Variants in RNF220 observed in about 807,000 individuals in gnomAD.
RNF220 encodes the protein ring finger protein 220.
RNF220 carries 7 observed loss-of-function variants against 67.1 expected under a neutral mutation model. That is an observed-to-expected ratio of 0.10 (90% CI 0.06 to 0.20). The LOEUF (loss-of-function observed/expected upper bound fraction) is 0.20. Ranked by LOEUF, RNF220 falls within the 10% of genes least tolerant of loss-of-function variation. The pLI, the probability that RNF220 is intolerant of heterozygous loss-of-function variation, is 1.00. For synonymous variants in RNF220, 270 were observed against 283.2 expected (o/e 0.95, Z 0.47); for missense variants, 565 against 740.3 (o/e 0.76, Z 2.75).
chr1:44,592,434 C>T (rs1344413163), intron 2 of RNF220, among the ~76,000 whole-genome samples: 2 of 152,216 alleles, frequency 1.3e-5, no homozygotes, highest in Non-Finnish European at 2.9e-5. Flanking sequence ...CAGCTGCCTT[C>T]CTCATGACAC....
chr1:44,544,113 G>C (rs1346264767), intron 2 of RNF220, among the ~76,000 whole-genome samples: 1 of 152,196 alleles, frequency 6.6e-6, no homozygotes, highest in Non-Finnish European at 1.5e-5. Flanking sequence ...GCAAGAGGTC[G>C]GGAGGACCAC....
At chr1:44,490,907 T>C (rs921760829) in intron 2 of RNF220, among the ~76,000 whole-genome samples, 1 of 152,086 alleles carries the variant, frequency 6.6e-6, no homozygotes, top group Admixed American at 6.5e-5. Flanking sequence ...GAGACATCAC[T>C]ACCAGACTTA....
chr1:44,520,765 T>C lies in RNF220; in HGVS notation c.626-93400T>C, dbSNP rs148146162. Among the ~76,000 whole-genome samples the C allele has an allele frequency of 6.0e-3, 912 of 152,370 alleles. 12 individuals are homozygous for C. Among genetic ancestry groups the C allele is most frequent in the African/African-American group, 0.021 (869 of 41,582 alleles). On this transcript the variant is annotated intron_variant, in intron 2 of 14. Coordinates refer to ENST00000361799, the MANE Select transcript of RNF220 (RefSeq NM_018150.4). ...TTTCCTAAACTAGATTATATACTCCTTGAAGGCTAAGACTGTACAAGTTTC... is the reference window on the plus strand; with the variant it reads ...TTTCCTAAACTAGATTATATACTCCCTGAAGGCTAAGACTGTACAAGTTTC...
In RNF220 at chr1:44,626,626, C is replaced by T. The variant is rs926034936; in HGVS notation, c.906+228C>T. ...GGGAGAGATGCCAAGGTCACATGGG[C>T]TCCATGGGCTCTGAGCACCTCTGAA... On this transcript the variant is annotated intron_variant, in intron 5 of 14. Coordinates refer to ENST00000361799, the MANE Select transcript of RNF220 (RefSeq NM_018150.4). 12 of 565,872 alleles carry T rather than the reference C, an allele frequency of 2.1e-5. No homozygotes were observed. In the African/African-American group the frequency reaches 2.3e-4, roughly 11 times the overall value. 35.1% of individuals were successfully genotyped at this position (565,872 alleles called of 1,614,324 possible). A position where few individuals can be genotyped will look rare whatever the true frequency, so the allele number is the denominator to read the frequency against.
At chr1:44,611,977 G>A (rs1177968801) in intron 2 of RNF220, among the ~76,000 whole-genome samples, 1 of 152,196 alleles carries the variant, frequency 6.6e-6, no homozygotes, top group Non-Finnish European at 1.5e-5. Flanking sequence ...AGATTCTCTG[G>A]CTAACTGAAG....
intron 2 of RNF220, among the ~76,000 whole-genome samples, chr1:44,535,741 C>T (rs1365972838): frequency 2.0e-5 from 3 of 152,174 alleles, no homozygotes; most frequent in African/African-American, 7.2e-5. Context: ...ACTACTGAAG[C>T]TGATGTCTAC....
intron 2 of RNF220, among the ~76,000 whole-genome samples, chr1:44,422,572 A>T (rs1187940532): frequency 2.0e-5 from 3 of 152,124 alleles, no homozygotes; most frequent in African/African-American, 7.2e-5. Context: ...TTTCTTCTTT[A>T]TTTAAAGTGA....
chr1:44,534,463 A>G (rs1226329250), intron 2 of RNF220, among the ~76,000 whole-genome samples: 2 of 152,108 alleles, frequency 1.3e-5, no homozygotes, highest in Non-Finnish European at 2.9e-5. Context: ...TCCTAATGCT[A>G]TCCCTCCCTT....
intron 5 of RNF220, among the ~76,000 whole-genome samples, chr1:44,628,284 C>A (rs1644016194): frequency 6.6e-6 from 1 of 152,160 alleles, no homozygotes; most frequent in Non-Finnish European, 1.5e-5. Context: ...GCCTCAACTC[C>A]CTGACCCACC....
chr1:44,513,181 A>G (rs1328834416), intron 2 of RNF220, among the ~76,000 whole-genome samples: 1 of 152,158 alleles, frequency 6.6e-6, no homozygotes, highest in Non-Finnish European at 1.5e-5. Flanking sequence ...TTCTTTGATG[A>G]TATCTTCAGA....
chr1:44,590,137 A>G (rs1666013247), intron 2 of RNF220, among the ~76,000 whole-genome samples: 1 of 152,100 alleles, frequency 6.6e-6, no homozygotes, highest in Non-Finnish European at 1.5e-5. Context: ...TTCTGTGATG[A>G]TCCCTGAGCC....
At chr1:44,518,100 G>A (rs929087508) in intron 2 of RNF220, among the ~76,000 whole-genome samples, 7 of 151,778 alleles carry the variant, frequency 4.6e-5, no homozygotes, top group African/African-American at 9.7e-5. Context: ...GCAAGACTCC[G>A]TCTAAAAATA....
At chr1:44,461,752 C>T (rs566010579) in intron 2 of RNF220, among the ~76,000 whole-genome samples, 7 of 152,180 alleles carry the variant, frequency 4.6e-5, no homozygotes, top group African/African-American at 1.7e-4. Flanking sequence ...AGAAACAAAG[C>T]TTAAAATGTA....
At chr1:44,492,907 G>A (rs1656979478) in intron 2 of RNF220, among the ~76,000 whole-genome samples, 1 of 151,842 alleles carries the variant, frequency 6.6e-6, no homozygotes, top group Non-Finnish European at 1.5e-5. Flanking sequence ...AATCTGAAAT[G>A]CTCCAAAATC....
intron 2 of RNF220, among the ~76,000 whole-genome samples, chr1:44,518,757 C>T (rs1413691149): frequency 3.3e-5 from 5 of 151,828 alleles, no homozygotes; most frequent in African/African-American, 4.8e-5. Flanking sequence ...TGCCTGTAGT[C>T]CCAGCTACTC....
intron 2 of RNF220, among the ~76,000 whole-genome samples, chr1:44,498,092 G>C (rs1037544333): frequency 2.0e-5 from 3 of 152,180 alleles, no homozygotes; most frequent in African/African-American, 7.2e-5. Context: ...GGAGACCCAG[G>C]CGTGCCAGAA....
chr1:44,438,746 G>A (rs1390700817), intron 2 of RNF220, among the ~76,000 whole-genome samples: 1 of 152,198 alleles, frequency 6.6e-6, no homozygotes, highest in Non-Finnish European at 1.5e-5. Flanking sequence ...AGAGGAGAAA[G>A]AGAATAAAAC....
intron 2 of RNF220, among the ~76,000 whole-genome samples, chr1:44,470,785 C>A (rs879524680): frequency 6.6e-6 from 1 of 152,234 alleles, no homozygotes; most frequent in African/African-American, 2.4e-5. Context: ...TCCCTCCCGT[C>A]CTCTTCCTGC....
At chr1:44,431,272 G>C (rs1336394813) in intron 2 of RNF220, among the ~76,000 whole-genome samples, 9 of 152,070 alleles carry the variant, frequency 5.9e-5, no homozygotes, top group Non-Finnish European at 1.3e-4. Context: ...GAGGTGGGTG[G>C]ATCACAAGGT....
Sources: allele counts gnomAD v4.1 joint callset (sites outside exome capture counted in the v4.1 genomes callset), GRCh38; gene constraint gnomAD v4.1.1; transcripts MANE v1.5; gene names NCBI Gene and HGNC (gene_info 2026-07-23, HGNC 2026-07-21).